The following ETV6 variants were observed in gnomAD, a reference collection of about 807,000 sequenced individuals.
ETV6 encodes transcription factor ETV6.
A neutral mutation model predicts 51.1 loss-of-function variants in ETV6; 16 were observed. The observed-to-expected ratio is 0.31, with a 90% CI of 0.21 to 0.48. The LOEUF (loss-of-function observed/expected upper bound fraction) is 0.48. ETV6 is among the 20% of genes least tolerant of loss of function. The pLI is 0.99. For missense variants in ETV6, 458 were observed against 594.8 expected, an observed-to-expected ratio of 0.77 and a Z score of 2.39; for synonymous variants, 240 against 224.1, an observed-to-expected ratio of 1.07 and a Z score of -0.64.
intron 2 of ETV6, among the ~76,000 whole-genome samples, chr12:11,757,669 C>CA (rs1196131574): frequency 1.3e-5 from 2 of 152,142 alleles, no homozygotes; most frequent in East Asian, 3.9e-4. Context: ...CACCTTTCAG[C>CA]TTTTTTAGGA....
In ETV6 at chr12:11,869,476, C is replaced by T. The variant is rs755624728; in HGVS notation, c.516C>T (p.Asn172=). 2 of 1,614,076 alleles carry T rather than the reference C, an allele frequency of 1.2e-6. No individual in the cohort carries two copies. The highest frequency in any genetic ancestry group is 1.7e-6 in the Non-Finnish European group (2 of 1,179,992). Residue 172 remains asparagine, a synonymous_variant, in exon 5 of 8, where the codon AAC becomes AAT. Transcript: ENST00000396373. This position sits in a 1 kb window ranked among gnomAD's most constrained non-coding sequence, Gnocchi z 5.0. ...CATCCGTGGATAATGTGCACCATAACCCTCCCACCATTGAACTGTTGCACC... is the reference window on the plus strand; with the variant it reads ...CATCCGTGGATAATGTGCACCATAATCCTCCCACCATTGAACTGTTGCACC... ...PRPSVDNVHH[N]PPTIELLHRS... is the part of the protein sequence containing the mutation.
intron 4 of ETV6, among the ~76,000 whole-genome samples, chr12:11,865,836 T>G (rs982245160): frequency 6.6e-6 from 1 of 151,848 alleles, no homozygotes; most frequent in African/African-American, 2.4e-5. Context: ...AGTTTGACTA[T>G]GGTGTACCTG....
intron 1 of ETV6, among the ~76,000 whole-genome samples, chr12:11,719,565 T>A (rs1865343352): frequency 6.6e-6 from 1 of 152,212 alleles, no homozygotes; most frequent in Admixed American, 6.5e-5. Flanking sequence ...CAAACCAGTT[T>A]GTAATTTTAC....
In ETV6 at chr12:11,891,911, C is replaced by T. The variant is rs1947294058; in HGVS notation, c.*865C>T. The T allele has an allele frequency of 4.0e-6, 1 of 252,028 alleles. No individual in the cohort carries two copies. Among genetic ancestry groups the T allele is most frequent in the Non-Finnish European group, 7.8e-6 (1 of 128,836 alleles). 15.6% of individuals were successfully genotyped at this position (252,028 alleles called of 1,614,324 possible). On this transcript the variant is annotated 3_prime_UTR_variant, in exon 8 of 8. Coordinates refer to ENST00000396373, the MANE Select transcript of ETV6 (RefSeq NM_001987.5). ...TGCTGCAGACAGATACATGCTAGTC[C>T]AGAGAGCCGCCCCTGAGATGGCTGT...
intron 1 of ETV6, among the ~76,000 whole-genome samples, chr12:11,664,159 G>T (rs755276060): frequency 6.6e-6 from 1 of 152,092 alleles, no homozygotes; most frequent in African/African-American, 2.4e-5. Flanking sequence ...ACATCAGTCC[G>T]TGCCAGTTTC....
rs546849612 is a variant in ETV6 at position 11,713,299 on chromosome 12, G to A, written c.34-39151G>A. ...GTGTGCATTGCCTTTGCTTTCAAATGTTTGGTAATCACCTTTTTAGATTTA... is the reference window on the plus strand; with the variant it reads ...GTGTGCATTGCCTTTGCTTTCAAATATTTGGTAATCACCTTTTTAGATTTA... On this transcript the variant is annotated intron_variant, in intron 1 of 7. Coordinates refer to ENST00000396373, the MANE Select transcript of ETV6 (RefSeq NM_001987.5). Among the ~76,000 whole-genome samples, 9 of 152,298 alleles carry A rather than the reference G, an allele frequency of 5.9e-5. No individual in the cohort carries two copies. The East Asian group carries it at 1.7e-3, about 29-fold the overall frequency.
intron 1 of ETV6, among the ~76,000 whole-genome samples, chr12:11,723,592 G>C (rs547180402): frequency 2.0e-5 from 3 of 152,038 alleles, no homozygotes; most frequent in Non-Finnish European, 2.9e-5. Context: ...CGTGGTACCC[G>C]GCACATAGTA....
intron 2 of ETV6, among the ~76,000 whole-genome samples, chr12:11,777,927 C>G: frequency 6.6e-6 from 1 of 152,206 alleles, no homozygotes; most frequent in East Asian, 1.9e-4. Flanking sequence ...ATCCTCACCA[C>G]TGAAGCCCAA....
In ETV6 at chr12:11,650,070, G is replaced by C; in HGVS notation, c.-58G>C. 1 of 1,525,676 alleles carries C rather than the reference G, an allele frequency of 6.6e-7. No individual in the cohort carries two copies. The highest frequency in any genetic ancestry group is 1.4e-5 in the African/African-American group (1 of 73,328). The allele number at this position is 1,525,676 out of a possible 1,614,324, so 94.5% of individuals were successfully genotyped here. On this transcript the variant is annotated 5_prime_UTR_variant, in exon 1 of 8. Transcript: ENST00000396373. ...GGCCGTGGAGCCTTTCTGGGTTGGG[G>C]AGAGGAAAGGAAAGTGGAAAAAACC...
chr12:11,777,239 CAAA>C (rs5796465), intron 2 of ETV6, among the ~76,000 whole-genome samples: 4 of 78,884 alleles, frequency 5.1e-5, no homozygotes, highest in Admixed American at 3.2e-4. Flanking sequence ...GACTCCGTGT[CAAA>C]AAAAAAAAAA....
At chr12:11,775,001 A>G (rs1945298521) in intron 2 of ETV6, among the ~76,000 whole-genome samples, 1 of 152,226 alleles carries the variant, frequency 6.6e-6, no homozygotes, top group African/African-American at 2.4e-5. Flanking sequence ...CTGGGCATAA[A>G]AACACGATCT....
At chr12:11,721,637 C>T (rs943516920) in intron 1 of ETV6, among the ~76,000 whole-genome samples, 1 of 152,074 alleles carries the variant, frequency 6.6e-6, no homozygotes, top group East Asian at 1.9e-4. Flanking sequence ...GTGCTCACTA[C>T]CTGGATGCAA....
At chr12:11,822,158 TC>T (rs1304469425) in intron 2 of ETV6, among the ~76,000 whole-genome samples, 1 of 152,182 alleles carries the variant, frequency 6.6e-6, no homozygotes, top group African/African-American at 2.4e-5. Flanking sequence ...CTGCGCCTGA[TC>T]CGGGACGCGA....
intron 2 of ETV6, among the ~76,000 whole-genome samples, chr12:11,771,558 G>A (rs1038945640): frequency 6.6e-6 from 1 of 152,178 alleles, no homozygotes; most frequent in African/African-American, 2.4e-5. Flanking sequence ...GATCTCCATG[G>A]TAACGGATCA....
At chr12:11,832,726 G>A (rs1188047768) in intron 2 of ETV6, among the ~76,000 whole-genome samples, 2 of 152,214 alleles carry the variant, frequency 1.3e-5, no homozygotes, top group Non-Finnish European at 2.9e-5. Flanking sequence ...CAGGATATCA[G>A]GAAGGCGTTT....
At chr12:11,737,686 G>T (rs1258496597) in intron 1 of ETV6, among the ~76,000 whole-genome samples, 1 of 152,134 alleles carries the variant, frequency 6.6e-6, no homozygotes, top group Non-Finnish European at 1.5e-5. Flanking sequence ...AAGCAGCATC[G>T]GTCTTTGAAC....
At chr12:11,715,780 C>T (rs763413764) in intron 1 of ETV6, among the ~76,000 whole-genome samples, 3 of 152,172 alleles carry the variant, frequency 2.0e-5, no homozygotes, top group Admixed American at 6.5e-5. Flanking sequence ...ACAATGTGAC[C>T]TTTGGAAGTA....
intron 2 of ETV6, among the ~76,000 whole-genome samples, chr12:11,803,462 A>C (rs948640133): frequency 5.9e-5 from 9 of 152,236 alleles, no homozygotes; most frequent in African/African-American, 2.2e-4. Flanking sequence ...CTTCTAGAAC[A>C]TGTTAAAAAT....
intron 1 of ETV6, among the ~76,000 whole-genome samples, chr12:11,706,748 G>A (rs953183520): frequency 1.3e-5 from 2 of 152,240 alleles, no homozygotes; most frequent in Admixed American, 6.5e-5. Context: ...GTATTTCTAG[G>A]ACGATTGCAT....
Sources: allele counts gnomAD v4.1 joint callset (sites outside exome capture counted in the v4.1 genomes callset), GRCh38; gene constraint gnomAD v4.1.1; non-coding constraint Gnocchi (gnomAD v3.1); transcripts MANE v1.5; gene names NCBI Gene and HGNC (gene_info 2026-07-23, HGNC 2026-07-21).